PABPC4: variants seen among roughly 807,000 people sequenced by gnomAD.
PABPC4 encodes poly(A) binding protein cytoplasmic 4.
PABPC4 carries 15 observed loss-of-function variants against 74.5 expected under a neutral mutation model. That is an observed-to-expected ratio of 0.20 (90% confidence interval 0.13 to 0.31). PABPC4 has a LOEUF of 0.31. Ranked by LOEUF, PABPC4 falls within the 10% of genes least tolerant of loss-of-function variation. The pLI is 1.00. For missense variants in PABPC4, 610 were observed against 853.5 expected (o/e 0.71, Z 3.55); for synonymous variants, 345 against 303.0 (o/e 1.14, Z -1.44).
At chr1:39,565,781 T>C (rs1200555522) in intron 7 of PABPC4, among the ~76,000 whole-genome samples, 2 of 151,834 alleles carry the variant, frequency 1.3e-5, no homozygotes, top group Non-Finnish European at 2.9e-5. Context: ...TGAGCCGAGA[T>C]CGCGCCACTG....
In PABPC4 at chr1:39,563,707, G is replaced by A. The variant is rs780185009; in HGVS notation, c.1575C>T (p.Arg525=). 2.0e-5 allele frequency: 33 copies of A among 1,614,138 alleles called. No homozygotes were observed. The East Asian group carries it at 5.1e-4, about 25-fold the overall frequency. ...VPTAVQNLAP[R]AAVAAAAPRA... is the part of the protein sequence containing the mutation. ...GGGGAGCAGCAGCAGCAACAGCAGC[G>A]CGTGGCGCTAAGTTCTGCACAGCTG... is the stretch of plus-strand genomic sequence containing the variant. Residue 525 remains arginine (R), a synonymous_variant, in exon 12 of 16, where the codon CGC becomes CGT. Coordinates refer to ENST00000372858, the MANE Select transcript of PABPC4 (RefSeq NM_001135653.2).
At chr1:39,563,770 C>A (rs754471705) in intron 11 of PABPC4, 29 bp from the exon 12 acceptor site, 1 of 1,613,692 alleles carries the variant, frequency 6.2e-7, no homozygotes. Context: ...ACAATTAAAG[C>A]CCATCAGTCT....
rs372879676 is a variant in PABPC4, at chr1:39,575,898, C to G, written c.54G>C (p.Leu18=). The change falls in exon 1 of 16, where the codon CTG becomes CTC. Residue 18 remains leucine (L), a synonymous_variant. Coordinates refer to ENST00000372858, the MANE Select transcript of PABPC4 (RefSeq NM_001135653.2). ...YPMASLYVGD[L]HSDVTEAMLY... is the part of the protein sequence containing the mutation. ...GCATGGCCTCGGTGACGTCCGAATGCAGGTCGCCCACGTACAGGGAGGCCA... is the reference window on the plus strand; with the variant it reads ...GCATGGCCTCGGTGACGTCCGAATGGAGGTCGCCCACGTACAGGGAGGCCA... 65 of 1,610,936 alleles carry G rather than the reference C, an allele frequency of 4.0e-5. No homozygotes were observed. Among genetic ancestry groups the G allele is most frequent in the Non-Finnish European group, 4.8e-5 (57 of 1,178,952 alleles).
intron 7 of PABPC4, among the ~76,000 whole-genome samples, chr1:39,565,827 C>CCAAAA (rs60293495): frequency 0.091 from 13,501 of 148,244 alleles, 651 homozygotes; most frequent in South Asian, 0.17. Flanking sequence ...GACTCCATCT[C>CCAAAA]CAAAACAAAA....
chr1:39,563,656 G>A lies in PABPC4; in HGVS notation c.1626C>T (p.Ala542=). ...CAGGATGAGGGCTGCGGACACTGGA[G>A]GCGTATTTGTAGGGGGCAACAGCCC... ...APRAVAPYKY[A]SSVRSPHPAI... Residue 542 remains alanine, a synonymous_variant, in exon 12 of 16, where the codon GCC becomes GCT. Coordinates refer to ENST00000372858, the MANE Select transcript of PABPC4 (RefSeq NM_001135653.2). 4 of 1,614,226 alleles carry A rather than the reference G, an allele frequency of 2.5e-6. No individual in the cohort carries two copies. The highest frequency in any genetic ancestry group is 2.5e-6 in the Non-Finnish European group (3 of 1,180,040).
intron 1 of PABPC4, among the ~76,000 whole-genome samples, 183 bp downstream of exon 1, chr1:39,575,576 A>C (rs1301688250): frequency 1.3e-5 from 2 of 152,218 alleles, no homozygotes; most frequent in Non-Finnish European, 2.9e-5. Flanking sequence ...AAGTGGTAGA[A>C]ACAAGATTGA....
intron 15 of PABPC4, 51 bp downstream of exon 15, chr1:39,561,634 G>A: frequency 1.6e-6 from 2 of 1,273,610 alleles, no homozygotes; most frequent in Admixed American, 1.7e-5. Context: ...CAAAGACAAT[G>A]CTCATAGGAA....
In PABPC4 at chr1:39,576,715, T is replaced by A. The variant is rs1467304468; in HGVS notation, c.-764A>T. The A allele has an allele frequency of 2.7e-5, 4 of 149,772 alleles. No homozygotes were observed. Among genetic ancestry groups the A allele is most frequent in the Admixed American group, 6.6e-5 (1 of 15,060 alleles). The allele number at this position is 149,772 out of a possible 1,614,324, so 9.3% of individuals were successfully genotyped here. Reference sequence around the variant, plus strand: ...TTTTGAAGCGTTTTCAGATTTTTTTTATCTTTTTCTCTTTTTTTCCTCAGG... The same window carrying A: ...TTTTGAAGCGTTTTCAGATTTTTTTAATCTTTTTCTCTTTTTTTCCTCAGG... On this transcript the variant is annotated 5_prime_UTR_variant, in exon 1 of 16. Transcript: ENST00000372858.
intron 12 of PABPC4, 90 bp from the exon 13 acceptor site, chr1:39,562,506 C>T: frequency 2.1e-6 from 2 of 931,580 alleles, no homozygotes; most frequent in Non-Finnish European, 1.7e-6. Flanking sequence ...GAACATCTGA[C>T]TATGTGAAAG....
intron 14 of PABPC4, 134 bp downstream of exon 14, chr1:39,561,939 A>T: frequency 8.5e-7 from 1 of 1,171,254 alleles, no homozygotes; most frequent in Non-Finnish European, 1.2e-6. Flanking sequence ...TGCAGCCTCC[A>T]GTCACAGTCA....
rs1382671861 is a variant in PABPC4 at position 39,560,869 on chromosome 1, A to T, written c.*267T>A. 1 of 208,984 alleles carries T rather than the reference A, an allele frequency of 4.8e-6. No individual in the cohort carries two copies. The highest frequency in any genetic ancestry group is 1.0e-5 in the Non-Finnish European group (1 of 98,326). The allele number at this position is 208,984 out of a possible 1,614,324, so 12.9% of individuals were successfully genotyped here. A position where few individuals can be genotyped will look rare whatever the true frequency, so the allele number is the denominator to read the frequency against. The stretch of plus-strand genomic sequence containing the variant: ...GAAACGTAAGACTTGGGTACATCAA[A>T]TAAAACCAATTTCTGGGGGAAAAAA... On this transcript the variant is annotated 3_prime_UTR_variant, in exon 16 of 16. Transcript: ENST00000372858.
chr1:39,567,938 A>C, intron 6 of PABPC4, 92 bp from the exon 7 acceptor site: 1 of 691,888 alleles, frequency 1.4e-6, no homozygotes, highest in Non-Finnish European at 2.5e-6. Context: ...GACCAGGAGC[A>C]CCAGCATCTT....
intron 12 of PABPC4, chr1:39,563,397 G>T: frequency 1.8e-6 from 1 of 556,770 alleles, no homozygotes; most frequent in Non-Finnish European, 3.1e-6. Context: ...TGCCCGCTCT[G>T]AGGCATTTCT....
Position 39,575,901 on chromosome 1 carries a change from G to C in PABPC4, c.51C>G (p.Asp17Glu), listed in dbSNP as rs376119740. Reference sequence around the variant, plus strand: ...TGGCCTCGGTGACGTCCGAATGCAGGTCGCCCACGTACAGGGAGGCCATGG... The same window carrying C: ...TGGCCTCGGTGACGTCCGAATGCAGCTCGCCCACGTACAGGGAGGCCATGG... ...SYPMASLYVG[D>E]LHSDVTEAML... Residue 17 changes from aspartate to glutamate, a missense_variant, in exon 1 of 16, where the codon GAC (aspartate) becomes GAG (glutamate). Physicochemically the swap from Asp to Glu is conservative, Grantham distance 45. Coordinates refer to ENST00000372858, the MANE Select transcript of PABPC4 (RefSeq NM_001135653.2). 1 of 1,610,796 alleles carries C rather than the reference G, an allele frequency of 6.2e-7. No individual in the cohort carries two copies. The highest frequency in any genetic ancestry group is 8.5e-7 in the Non-Finnish European group (1 of 1,178,912).
chr1:39,574,111 G>T (rs1645981336), intron 1 of PABPC4, among the ~76,000 whole-genome samples: 2 of 152,094 alleles, frequency 1.3e-5, no homozygotes, highest in African/African-American at 2.4e-5. Flanking sequence ...TCATTAGCCG[G>T]GAGAATTTAT....
In PABPC4 at chr1:39,576,234, C is replaced by CA. The variant is rs1473068873; in HGVS notation, c.-284dup. On this transcript the variant is annotated 5_prime_UTR_variant, in exon 1 of 16. Coordinates refer to ENST00000372858, the MANE Select transcript of PABPC4 (RefSeq NM_001135653.2). Reference sequence around the variant, plus strand: ...GGTCCTGGTGCGAAGCTCCAAATTTCAAAAAATCAAAGTAGGAAAAAAATT... The same window carrying CA: ...GGTCCTGGTGCGAAGCTCCAAATTTCAAAAAAATCAAAGTAGGAAAAAAATT... 4 of 352,588 alleles carry CA rather than the reference C, an allele frequency of 1.1e-5. No individual in the cohort carries two copies. Among genetic ancestry groups the CA allele is most frequent in the African/African-American group, 2.1e-5 (1 of 47,498 alleles). The allele number at this position is 352,588 out of a possible 1,614,324, so 21.8% of individuals were successfully genotyped here.
chr1:39,562,570 G>A (rs1372977766), intron 12 of PABPC4, 154 bp from the exon 13 acceptor site: 2 of 600,118 alleles, frequency 3.3e-6, no homozygotes, highest in Non-Finnish European at 5.9e-6. Flanking sequence ...GTCCTTGAAG[G>A]ATTGAGGGGT....
Position 39,569,979 on chromosome 1 carries a change from C to A in PABPC4, c.527G>T (p.Arg176Leu). The change falls in exon 4 of 16, where the codon CGC becomes CTC. Residue 176 changes from arginine (R) to leucine (L), a missense_variant. Physicochemically the swap from Arg to Leu is moderately radical, Grantham distance 102. Transcript: ENST00000372858. ...RKVFVGRFKS[R>L]KEREAELGAK... ...TCCAAGCTCAGCTTCCCGCTCTTTG[C>A]GAGACTTGAATCTGCCCACAAATCT... The A allele has an allele frequency of 6.2e-7, 1 of 1,613,868 alleles. No individual in the cohort carries two copies. The highest frequency in any genetic ancestry group is 8.5e-7 in the Non-Finnish European group (1 of 1,179,968).
intron 1 of PABPC4, 99 bp from the exon 2 acceptor site, chr1:39,572,685 ACT>A: frequency 2.3e-6 from 2 of 859,740 alleles, no homozygotes; most frequent in South Asian, 3.6e-5. Context: ...CAAGGTAATC[ACT>A]CTTGATAAAA....
Sources: gnomAD v4.1 joint callset for allele counts (sites outside exome capture counted in the v4.1 genomes callset) on GRCh38, gnomAD v4.1.1 for gene constraint, MANE v1.5 for transcripts, NCBI Gene and HGNC (gene_info 2026-07-23, HGNC 2026-07-21) for gene names.